DLGAP1: variants seen among roughly 807,000 people sequenced by gnomAD.
DLGAP1 encodes disks large-associated protein 1.
In DLGAP1, 11 loss-of-function variants were observed where a neutral mutation model predicts 90.8. The ratio of observed to expected loss-of-function variants is 0.12; its 90% CI spans 0.08 to 0.20. The LOEUF (loss-of-function observed/expected upper bound fraction) is 0.20. Among genes scored for constraint, DLGAP1 ranks in the 10% least tolerant of loss-of-function variants. The pLI is 1.00. For synonymous variants in DLGAP1, 558 were observed against 540.7 expected (o/e 1.03, Z -0.44); for missense variants, 1,050 against 1,333.8 (o/e 0.79, Z 3.31).
At chr18:3,643,089 T>C (rs1035901939) in intron 7 of DLGAP1, among the ~76,000 whole-genome samples, 1 of 152,126 alleles carries the variant, frequency 6.6e-6, no homozygotes, top group African/African-American at 2.4e-5. Context: ...AATCACCCAA[T>C]AGACTACCAT....
intron 1 of DLGAP1, among the ~76,000 whole-genome samples, chr18:4,435,566 A>G (rs140541385): frequency 1.3e-5 from 2 of 152,332 alleles, no homozygotes; most frequent in African/African-American, 4.8e-5. Context: ...CTGTATCTCA[A>G]TCTCCACACC....
At chr18:3,791,671 G>A (rs1417049551) in intron 5 of DLGAP1, among the ~76,000 whole-genome samples, 3 of 152,222 alleles carry the variant, frequency 2.0e-5, no homozygotes, top group African/African-American at 7.2e-5. Context: ...TGTATTTTAT[G>A]TGAATTAAAA....
intron 1 of DLGAP1, among the ~76,000 whole-genome samples, chr18:4,217,183 G>T (rs983355256): frequency 3.9e-5 from 6 of 152,028 alleles, no homozygotes; most frequent in Non-Finnish European, 7.4e-5. Context: ...ATGTATGTAA[G>T]GGTCCCTGCA....
chr18:3,619,630 C>A (rs1293713140), intron 7 of DLGAP1, among the ~76,000 whole-genome samples: 1 of 152,104 alleles, frequency 6.6e-6, no homozygotes, highest in African/African-American at 2.4e-5. Context: ...CTTTTCCCAC[C>A]ACCCCGTCCT....
At chr18:3,970,536 T>G (rs929445485) in intron 3 of DLGAP1, among the ~76,000 whole-genome samples, 2 of 152,064 alleles carry the variant, frequency 1.3e-5, no homozygotes, top group African/African-American at 4.8e-5. Flanking sequence ...ATAATAGAAA[T>G]GTGTGGGACA....
At chr18:3,945,326 TA>T (rs2072855470) in intron 3 of DLGAP1, among the ~76,000 whole-genome samples, 1 of 152,216 alleles carries the variant, frequency 6.6e-6, no homozygotes. Context: ...CTAGGCAAAG[TA>T]TGAAACATCT....
intron 11 of DLGAP1, among the ~76,000 whole-genome samples, chr18:3,504,238 C>G (rs1044610879): frequency 6.6e-6 from 1 of 151,920 alleles, no homozygotes; most frequent in African/African-American, 2.4e-5. Flanking sequence ...AATCAGAATA[C>G]TACAGAGAAA....
intron 1 of DLGAP1, among the ~76,000 whole-genome samples, chr18:4,269,915 C>T (rs59046238): frequency 0.01 from 1,598 of 152,202 alleles, 27 homozygotes; most frequent in African/African-American, 0.037. Context: ...TTTGTAAAGT[C>T]TTCTTTCTAG....
At chr18:3,925,207 C>A (rs892924539) in intron 3 of DLGAP1, among the ~76,000 whole-genome samples, 1 of 152,098 alleles carries the variant, frequency 6.6e-6, no homozygotes, top group African/African-American at 2.4e-5. Flanking sequence ...CCCACCTCAG[C>A]CTCCCAAAGT....
intron 4 of DLGAP1, among the ~76,000 whole-genome samples, chr18:3,828,217 G>A (rs1030682399): frequency 6.6e-6 from 1 of 152,222 alleles, no homozygotes; most frequent in Admixed American, 6.5e-5. Context: ...CAGCCCAGAT[G>A]AAGTGAGTCC....
chr18:3,986,266 T>C (rs2073841057), intron 3 of DLGAP1: 1 of 152,256 alleles, frequency 6.6e-6, no homozygotes, highest in Non-Finnish European at 1.5e-5. Flanking sequence ...ATGACAAGTA[T>C]TCTTACAAAT....
chr18:3,899,594 G>C (rs1330998350), intron 3 of DLGAP1, among the ~76,000 whole-genome samples: 1 of 152,192 alleles, frequency 6.6e-6, no homozygotes, highest in African/African-American at 2.4e-5. Context: ...CTTACACTCT[G>C]TATCCAGGTT....
chr18:4,225,119 C>T (rs1435216048), intron 1 of DLGAP1, among the ~76,000 whole-genome samples: 8 of 152,120 alleles, frequency 5.3e-5, no homozygotes. Context: ...GCAATACTAC[C>T]AAGAACCATG....
chr18:4,136,219 A>C (rs765067126), intron 2 of DLGAP1, among the ~76,000 whole-genome samples: 1 of 151,968 alleles, frequency 6.6e-6, no homozygotes, highest in Non-Finnish European at 1.5e-5. Context: ...AGTGCAGACA[A>C]CTCTTCAATA....
chr18:3,827,868 A>C (rs1330541674), intron 4 of DLGAP1, among the ~76,000 whole-genome samples: 2 of 152,204 alleles, frequency 1.3e-5, no homozygotes, highest in Non-Finnish European at 2.9e-5. Context: ...CTACTGTTAG[A>C]GTGTCTGCCA....
At chr18:3,658,872 A>T (rs2146564031) in intron 7 of DLGAP1, among the ~76,000 whole-genome samples, 1 of 152,198 alleles carries the variant, frequency 6.6e-6, no homozygotes, top group South Asian at 2.1e-4. Context: ...GAGTTCATGC[A>T]AGAAAACAAG....
At chr18:3,650,668 C>T (rs1216598653) in intron 7 of DLGAP1, among the ~76,000 whole-genome samples, 1 of 152,200 alleles carries the variant, frequency 6.6e-6, no homozygotes, top group Non-Finnish European at 1.5e-5. Context: ...TCCTGACACA[C>T]TGCCACCTAC....
intron 1 of DLGAP1, among the ~76,000 whole-genome samples, chr18:4,166,560 C>T (rs1350301108): frequency 6.6e-6 from 1 of 152,100 alleles, no homozygotes; most frequent in Non-Finnish European, 1.5e-5. Flanking sequence ...GGGTATATAC[C>T]CAAGAATCGA....
intron 2 of DLGAP1, among the ~76,000 whole-genome samples, chr18:4,008,688 GA>G (rs564262453): frequency 3.7e-4 from 56 of 152,206 alleles, no homozygotes; most frequent in African/African-American, 1.3e-3. Context: ...CAGTGACGGG[GA>G]AAAAAATAAC....
Sources: gnomAD v4.1 joint callset for allele counts (sites outside exome capture counted in the v4.1 genomes callset) on GRCh38, gnomAD v4.1.1 for gene constraint, MANE v1.5 for transcripts, NCBI Gene and HGNC (gene_info 2026-07-23, HGNC 2026-07-21) for gene names.